Variants in C16orf74 observed in about 807,000 individuals in gnomAD.
C16orf74 encodes the protein calcimembrin, also known as uncharacterized protein C16orf74.
In C16orf74, 10 loss-of-function variants were observed where a neutral mutation model predicts 6.5. The observed-to-expected ratio is 1.54, with a 90% CI of 0.95 to 2.61. The LOEUF is 2.61. Ranked by LOEUF, C16orf74 falls within the 30% of genes most tolerant of loss-of-function variation. The pLI is 0.00. For missense variants in C16orf74, 141 were observed against 105.9 expected, an observed-to-expected ratio of 1.33 and a Z score of -1.45; for synonymous variants, 60 against 42.5, an observed-to-expected ratio of 1.41 and a Z score of -1.60.
At chr16:85,740,349 G>A (rs1218553907) in intron 1 of C16orf74, among the ~76,000 whole-genome samples, 1 of 151,290 alleles carries the variant, frequency 6.6e-6, no homozygotes, top group African/African-American at 2.4e-5. Flanking sequence ...GAGGTGAGGA[G>A]TTCGAGACCA....
intron 2 of C16orf74, among the ~76,000 whole-genome samples, chr16:85,725,197 C>T (rs1007345646): frequency 3.9e-5 from 6 of 152,204 alleles, no homozygotes; most frequent in African/African-American, 1.4e-4. Context: ...CACCCCACTG[C>T]CCTGAGCCGA....
intron 2 of C16orf74, among the ~76,000 whole-genome samples, chr16:85,731,529 G>A (rs879710682): frequency 4.6e-5 from 7 of 152,290 alleles, no homozygotes; most frequent in African/African-American, 1.2e-4. Context: ...GGGTCCTGGC[G>A]GGTCCCTCCT....
intron 1 of C16orf74, among the ~76,000 whole-genome samples, chr16:85,740,861 A>C (rs1473195702): frequency 6.6e-6 from 1 of 150,742 alleles, no homozygotes; most frequent in Non-Finnish European, 1.5e-5. Context: ...GAAAATATAC[A>C]CTGACGTGTC....
At chr16:85,708,191 A>T in intron 3 of C16orf74, 125 bp from the exon 4 acceptor site, 1 of 786,264 alleles carries the variant, frequency 1.3e-6, no homozygotes. Context: ...CCAGAGGCTG[A>T]GATGGGACCC....
chr16:85,737,620 A>G (rs901166835), intron 1 of C16orf74, among the ~76,000 whole-genome samples: 1 of 152,218 alleles, frequency 6.6e-6, no homozygotes, highest in Non-Finnish European at 1.5e-5. Context: ...ACCTGAGGTC[A>G]GGAGTTCGAG....
intron 2 of C16orf74, among the ~76,000 whole-genome samples, chr16:85,731,782 G>A (rs1394942060): frequency 6.6e-6 from 1 of 152,124 alleles, no homozygotes; most frequent in Non-Finnish European, 1.5e-5. Flanking sequence ...TGACTTCCTG[G>A]GCTCAAGGGA....
chr16:85,742,798 C>G (rs924097853), intron 1 of C16orf74, among the ~76,000 whole-genome samples: 68 of 152,218 alleles, frequency 4.5e-4, no homozygotes, highest in Non-Finnish European at 1.2e-4. Context: ...GCCTCAGCCT[C>G]CCAAAGTGCT....
chr16:85,711,600 G>A (rs912867382), intron 2 of C16orf74, among the ~76,000 whole-genome samples: 38 of 146,548 alleles, frequency 2.6e-4, no homozygotes, highest in African/African-American at 9.0e-4. Context: ...TCCAGCCTGG[G>A]CAACAAGAGT....
chr16:85,717,594 C>A (rs919786197), intron 2 of C16orf74, among the ~76,000 whole-genome samples: 2 of 152,180 alleles, frequency 1.3e-5, no homozygotes, highest in African/African-American at 4.8e-5. Flanking sequence ...GGGTCCTGAG[C>A]TGGGGGTGCC....
rs1400200566 is a variant in C16orf74 at position 85,748,061 on chromosome 16, G to A, written c.-19+2865C>T. ...GTATTGCACCACTGCACTCCAGCCT[G>A]GGTGACAGAGCGAGACTCCGTCTCA... On this transcript the variant is annotated intron_variant, in intron 1 of 3. Coordinates refer to ENST00000284245, the MANE Select transcript of C16orf74 (RefSeq NM_206967.3). Among the ~76,000 whole-genome samples the A allele has an allele frequency of 2.9e-5, 2 of 68,244 alleles. 1 individual carries two copies. Among genetic ancestry groups the A allele is most frequent in the African/African-American group, 6.4e-5 (2 of 31,280 alleles). 44.8% of individuals were successfully genotyped at this position (68,244 alleles called of 152,430 possible). A position where few individuals can be genotyped will look rare whatever the true frequency, so the allele number is the denominator to read the frequency against.
At chr16:85,733,455 C>A (rs185414220) in intron 2 of C16orf74, among the ~76,000 whole-genome samples, 1 of 152,188 alleles carries the variant, frequency 6.6e-6, no homozygotes, top group Non-Finnish European at 1.5e-5. Context: ...ATGAAACCTT[C>A]ATTCTGAAGA....
chr16:85,748,303 G>T (rs988595695), intron 1 of C16orf74, among the ~76,000 whole-genome samples: 3 of 152,090 alleles, frequency 2.0e-5, no homozygotes, highest in Non-Finnish European at 4.4e-5. Context: ...AAATGGTTGA[G>T]AGAGTTATTA....
intron 1 of C16orf74, chr16:85,741,696 G>C (rs1171362497): frequency 5.9e-6 from 1 of 170,138 alleles, no homozygotes; most frequent in Non-Finnish European, 1.5e-5. Context: ...CTGGCTGAAG[G>C]GACAAGAAAG....
chr16:85,743,897 C>T (rs1032413481), intron 1 of C16orf74, among the ~76,000 whole-genome samples: 1 of 151,754 alleles, frequency 6.6e-6, no homozygotes, highest in Non-Finnish European at 1.5e-5. Context: ...ACTAAAAATA[C>T]AAAAAAATTA....
At chr16:85,741,777 T>C in intron 1 of C16orf74, 1 of 167,304 alleles carries the variant, frequency 6.0e-6, no homozygotes. Flanking sequence ...TGGGGCTCGG[T>C]CCCCCAGGTT....
intron 1 of C16orf74, among the ~76,000 whole-genome samples, chr16:85,750,017 A>G (rs1028192131): frequency 6.6e-6 from 1 of 152,180 alleles, no homozygotes; most frequent in Non-Finnish European, 1.5e-5. Context: ...CCAGCCCAGG[A>G]CAGGGGCCTC....
chr16:85,738,973 C>T (rs985032777), intron 1 of C16orf74, among the ~76,000 whole-genome samples: 14 of 134,110 alleles, frequency 1.0e-4, no homozygotes, highest in African/African-American at 2.2e-4. Context: ...GAAGCCAGAA[C>T]TTTGGACTCT....
In C16orf74 at chr16:85,728,634, A is replaced by G. The variant is rs403764; in HGVS notation, c.28+6556T>C. Among the ~76,000 whole-genome samples the G allele has an allele frequency of 6.3e-3, 957 of 152,160 alleles. 12 individuals are homozygous for G. The highest frequency in any genetic ancestry group is 0.022 in the African/African-American group (930 of 41,496). ...ATGCCTGCAGTTTAAGTCTTCCTGC[A>G]GAGGCCCCCGCACACCTGCAGCCAC... On this transcript the variant is annotated intron_variant, in intron 2 of 3. Coordinates refer to ENST00000284245, the MANE Select transcript of C16orf74 (RefSeq NM_206967.3).
intron 2 of C16orf74, among the ~76,000 whole-genome samples, chr16:85,724,913 C>T (rs111308616): frequency 0.01 from 1,558 of 152,308 alleles, 26 homozygotes; most frequent in African/African-American, 0.035. Context: ...GGAACTATCA[C>T]CCGAATACTA....
Sources: allele counts gnomAD v4.1 joint callset (sites outside exome capture counted in the v4.1 genomes callset), GRCh38; gene constraint gnomAD v4.1.1; transcripts MANE v1.5; gene names NCBI Gene and HGNC (gene_info 2026-07-23, HGNC 2026-07-21).